Variants in PYHIN1 observed in about 807,000 individuals in gnomAD.
PYHIN1 encodes the protein pyrin and HIN domain family member 1.
A neutral mutation model predicts 43.7 loss-of-function variants in PYHIN1; 32 were observed. That is an observed-to-expected ratio of 0.73 (90% CI 0.55 to 0.98). PYHIN1 has a LOEUF of 0.98. PYHIN1 is among the 50% of genes least tolerant of loss of function. The pLI, the probability that PYHIN1 is intolerant of heterozygous loss-of-function variation, is 0.00. For missense variants in PYHIN1, 588 were observed against 589.5 expected, an observed-to-expected ratio of 1.00 and a Z score of 0.03; for synonymous variants, 205 against 203.1, an observed-to-expected ratio of 1.01 and a Z score of -0.08.
At chr1:158,971,954 A>T (rs918583183) in intron 7 of PYHIN1, among the ~76,000 whole-genome samples, 1 of 152,002 alleles carries the variant, frequency 6.6e-6, no homozygotes, top group African/African-American at 2.4e-5. Context: ...AAGGAAGACA[A>T]TGTAAAAAGA....
downstream of PYHIN1, among the ~76,000 whole-genome samples, chr1:158,981,377 A>T (rs1651477940): frequency 2.0e-5 from 3 of 152,172 alleles, no homozygotes; most frequent in African/African-American, 7.2e-5. Flanking sequence ...AGCCTGGGGC[A>T]GGAGAATCGC....
chr1:158,974,261 C>T (rs1651115043), intron 8 of PYHIN1, among the ~76,000 whole-genome samples: 1 of 152,022 alleles, frequency 6.6e-6, no homozygotes, highest in Admixed American at 6.6e-5. Context: ...ACCAAAATCC[C>T]CCTTCCTCAG....
chr1:158,982,734 A>G, the PYHIN1 span, among the ~76,000 whole-genome samples: 1 of 152,172 alleles, frequency 6.6e-6, no homozygotes, highest in Non-Finnish European at 1.5e-5. Flanking sequence ...TCTGGAGAAT[A>G]TAGCCATTTT....
chr1:158,976,200 G>T (rs1651246279), intron 8 of PYHIN1, among the ~76,000 whole-genome samples: 1 of 152,144 alleles, frequency 6.6e-6, no homozygotes, highest in African/African-American at 2.4e-5. Context: ...AACAAATAAA[G>T]GCTAATATTG....
rs1651140553 is a variant in PYHIN1, at chr1:158,974,607, G to A, written c.*5+836G>A. On this transcript the variant is annotated intron_variant, in intron 8 of 8. Transcript: ENST00000368140. Reference sequence around the variant, plus strand: ...AAGAGAAAGGCAAGAGGAGAATCATGTCACCACTCTTTTAGTTGAAGACAT... The same window carrying A: ...AAGAGAAAGGCAAGAGGAGAATCATATCACCACTCTTTTAGTTGAAGACAT... 2.0e-5 allele frequency among the ~76,000 whole-genome samples: 3 copies of A among 152,028 alleles called. No homozygotes were observed. In the South Asian group the frequency reaches 6.2e-4, roughly 31 times the overall value.
Position 158,976,746 on chromosome 1 carries a change from T to C in PYHIN1, c.*51T>C, listed in dbSNP as rs369731111. On this transcript the variant is annotated 3_prime_UTR_variant, in exon 9 of 9. Transcript: ENST00000368140. ...CAAATAACTACTGTTCAATCTTTAC[T>C]CAAGTGTGGAAATTTTGCCTGAAGT... 23 of 1,599,760 alleles carry C rather than the reference T, an allele frequency of 1.4e-5. No homozygotes were observed. Among genetic ancestry groups the C allele is most frequent in the Non-Finnish European group, 2.0e-5 (23 of 1,171,908 alleles).
downstream of PYHIN1, among the ~76,000 whole-genome samples, chr1:158,981,438 T>C (rs570588461): frequency 1.6e-4 from 24 of 152,218 alleles, 1 homozygote; most frequent in South Asian, 4.4e-3. Context: ...GCCATTGCAC[T>C]CCAGCCTGGG....
chr1:158,945,199 C>A (rs549720166), intron 7 of PYHIN1, 157 bp downstream of exon 7: 1 of 662,648 alleles, frequency 1.5e-6, no homozygotes, highest in South Asian at 2.9e-5. Context: ...CAGTGAGATA[C>A]TACCACATGA....
chr1:158,982,284 G>GT, the PYHIN1 span, among the ~76,000 whole-genome samples: 2,569 of 151,820 alleles, frequency 0.017, 72 homozygotes, highest in African/African-American at 0.059. Flanking sequence ...ACATATATAA[G>GT]TTTTTTTTAA....
chr1:158,976,354 C>CAT (rs1651255229), intron 8 of PYHIN1, among the ~76,000 whole-genome samples: 8 of 152,164 alleles, frequency 5.3e-5, no homozygotes, highest in Middle Eastern at 3.4e-3. Flanking sequence ...ACATTTTGTA[C>CAT]GCTCCTCCTA....
At chr1:158,935,069 G>A (rs185395604) in intron 1 of PYHIN1, among the ~76,000 whole-genome samples, 2 of 152,104 alleles carry the variant, frequency 1.3e-5, no homozygotes, top group Admixed American at 1.3e-4. Flanking sequence ...GTGCACTGGT[G>A]CTAAAGAGGT....
intron 1 of PYHIN1, among the ~76,000 whole-genome samples, chr1:158,932,229 C>G (rs974990556): frequency 6.6e-6 from 1 of 152,096 alleles, no homozygotes; most frequent in Non-Finnish European, 1.5e-5. Context: ...ACTGCATGTT[C>G]TCACTTATAA....
chr1:158,946,615 A>G (rs569119476), intron 7 of PYHIN1, among the ~76,000 whole-genome samples: 3 of 152,240 alleles, frequency 2.0e-5, no homozygotes, highest in African/African-American at 7.2e-5. Context: ...TGGATTTCCT[A>G]CAATCTAAAG....
chr1:158,967,367 A>G (rs1344688054), intron 7 of PYHIN1, among the ~76,000 whole-genome samples: 1 of 152,022 alleles, frequency 6.6e-6, no homozygotes, highest in Non-Finnish European at 1.5e-5. Flanking sequence ...TGGAGAGGTT[A>G]GGCAATCACA....
chr1:158,959,365 C>T (rs534827360), intron 7 of PYHIN1, among the ~76,000 whole-genome samples: 1 of 151,964 alleles, frequency 6.6e-6, no homozygotes, highest in African/African-American at 2.4e-5. Context: ...ATCAACAAAC[C>T]TGTGGGTAAT....
At chr1:158,967,542 C>T (rs1476786885) in intron 7 of PYHIN1, among the ~76,000 whole-genome samples, 1 of 152,046 alleles carries the variant, frequency 6.6e-6, no homozygotes, top group African/African-American at 2.4e-5. Context: ...AGATTCAATG[C>T]TATTCCTATC....
At chr1:158,988,839 G>A in the PYHIN1 span, among the ~76,000 whole-genome samples, 63,702 of 152,010 alleles carry the variant, frequency 0.42, 14,317 homozygotes, top group East Asian at 0.56. Context: ...TATTCACATT[G>A]CAGAGAGAGA....
At chr1:158,966,568 A>G (rs777599837) in intron 7 of PYHIN1, among the ~76,000 whole-genome samples, 1 of 152,190 alleles carries the variant, frequency 6.6e-6, no homozygotes, top group South Asian at 2.1e-4. Flanking sequence ...TTACATATAC[A>G]AAACAATAAA....
At chr1:158,986,089 GTTTCTGC>G in the PYHIN1 span, among the ~76,000 whole-genome samples, 2 of 152,032 alleles carry the variant, frequency 1.3e-5, no homozygotes, top group Non-Finnish European at 2.9e-5. Flanking sequence ...CTTTGATTGG[GTTTCTGC>G]TTTCTCCTAT....
Sources: gnomAD v4.1 joint callset for allele counts (sites outside exome capture counted in the v4.1 genomes callset) on GRCh38, gnomAD v4.1.1 for gene constraint, MANE v1.5 for transcripts, NCBI Gene and HGNC (gene_info 2026-07-23, HGNC 2026-07-21) for gene names.